The following LHPP variants were observed in gnomAD, a reference collection of about 807,000 sequenced individuals.
LHPP encodes the protein hLHPP.
In LHPP, 24 loss-of-function variants were observed where a neutral mutation model predicts 30.3. That is an observed-to-expected ratio of 0.79 (90% CI 0.57 to 1.11). The LOEUF (loss-of-function observed/expected upper bound fraction) is 1.11. Ranked by LOEUF, LHPP falls within the 50% of genes most tolerant of loss-of-function variation. LHPP has a pLI of 0.00. For missense variants in LHPP, 356 were observed against 367.2 expected, an observed-to-expected ratio of 0.97 and a Z score of 0.25; for synonymous variants, 150 against 157.1, an observed-to-expected ratio of 0.95 and a Z score of 0.34.
chr10:124,564,437 T>G (rs1564833342), intron 6 of LHPP, among the ~76,000 whole-genome samples: 1 of 151,494 alleles, frequency 6.6e-6, no homozygotes, highest in Admixed American at 6.6e-5. Flanking sequence ...TTTTTTTTTA[T>G]AGAGACGAGT....
chr10:124,526,978 G>T (rs1377686479), intron 6 of LHPP, among the ~76,000 whole-genome samples: 4 of 152,202 alleles, frequency 2.6e-5, no homozygotes, highest in Non-Finnish European at 4.4e-5. Flanking sequence ...CCGGCCACCT[G>T]CCCAAAATGT....
At position 124,552,622 on chromosome 10, in the gene LHPP, G is replaced by T. The variant is rs112496287; in HGVS notation, c.716+35351G>T. On this transcript the variant is annotated intron_variant, in intron 6 of 6. Transcript: ENST00000368842. ...CTCCAGCCACTGCCCCCCAGGCTGG[G>T]GCCTGCCAGCCCCCGCCCCTGTAGT... is the stretch of plus-strand genomic sequence containing the variant. Among the ~76,000 whole-genome samples the T allele has an allele frequency of 8.5e-5, 13 of 152,232 alleles. 1 individual carries two copies. Among genetic ancestry groups the T allele is most frequent in the African/African-American group, 2.9e-4 (12 of 41,522 alleles).
chr10:124,481,076 G>A (rs10901679), intron 1 of LHPP, among the ~76,000 whole-genome samples: 2 of 152,108 alleles, frequency 1.3e-5, no homozygotes, highest in Non-Finnish European at 2.9e-5. Flanking sequence ...GGAGTGCCAA[G>A]CCCTGTGGGA....
At chr10:124,528,367 A>T (rs935565701) in intron 6 of LHPP, among the ~76,000 whole-genome samples, 27 of 149,656 alleles carry the variant, frequency 1.8e-4, no homozygotes, top group South Asian at 6.3e-4. Flanking sequence ...TTATTATTTT[A>T]TTTTTTTTTG....
intron 6 of LHPP, among the ~76,000 whole-genome samples, chr10:124,556,654 T>C (rs1247422269): frequency 6.6e-6 from 1 of 152,240 alleles, no homozygotes; most frequent in Non-Finnish European, 1.5e-5. Flanking sequence ...TGGATAATTC[T>C]GCAACTCTCG....
intron 6 of LHPP, among the ~76,000 whole-genome samples, chr10:124,537,080 A>C (rs1338431212): frequency 1.3e-5 from 2 of 152,260 alleles, no homozygotes; most frequent in Non-Finnish European, 2.9e-5. Context: ...CCTTATTTAC[A>C]GTAAGCCTTA....
At chr10:124,524,669 AT>A (rs902741247) in intron 6 of LHPP, among the ~76,000 whole-genome samples, 20 of 152,134 alleles carry the variant, frequency 1.3e-4, no homozygotes, top group African/African-American at 4.8e-4. Flanking sequence ...CCTCATTTCT[AT>A]TAAAAATCAA....
intron 6 of LHPP, among the ~76,000 whole-genome samples, chr10:124,532,721 T>C (rs952831088): frequency 2.0e-5 from 3 of 152,244 alleles, no homozygotes; most frequent in Admixed American, 6.5e-5. Flanking sequence ...TGGGTAGGCA[T>C]AGAAAGTCTT....
intron 5 of LHPP, among the ~76,000 whole-genome samples, chr10:124,506,453 TG>T (rs1179390927): frequency 1.3e-5 from 2 of 151,708 alleles, no homozygotes; most frequent in Non-Finnish European, 2.9e-5. Context: ...AGATGTGCCC[TG>T]GGGAGAACCG....
At chr10:124,473,560 G>A (rs986963439) in intron 1 of LHPP, among the ~76,000 whole-genome samples, 12 of 152,098 alleles carry the variant, frequency 7.9e-5, no homozygotes, top group Non-Finnish European at 1.3e-4. Context: ...GTCCCTTAGC[G>A]TTCCGTCACC....
chr10:124,514,940 T>A (rs1157696759), intron 5 of LHPP, among the ~76,000 whole-genome samples: 1 of 152,038 alleles, frequency 6.6e-6, no homozygotes, highest in Non-Finnish European at 1.5e-5. Flanking sequence ...TAGCTGGGAC[T>A]ACAGGCGTGC....
At chr10:124,609,255 T>C (rs183191130) in intron 6 of LHPP, among the ~76,000 whole-genome samples, 129 of 152,344 alleles carry the variant, frequency 8.5e-4, no homozygotes, top group Non-Finnish European at 6.8e-4. Context: ...ATGTGGCTTC[T>C]CTTTCTTTTT....
intron 4 of LHPP, among the ~76,000 whole-genome samples, chr10:124,497,515 G>A (rs1271681594): frequency 6.6e-6 from 1 of 150,806 alleles, no homozygotes; most frequent in Non-Finnish European, 1.5e-5. Flanking sequence ...AGGCCTCCGG[G>A]TGGGGCTCCC....
intron 1 of LHPP, among the ~76,000 whole-genome samples, chr10:124,471,554 ATT>A (rs1227494858): frequency 5.6e-5 from 3 of 53,796 alleles, no homozygotes; most frequent in Non-Finnish European, 1.1e-4. Context: ...TTTTATATAT[ATT>A]TATATATATA....
chr10:124,529,409 G>GCT (rs1954829296), intron 6 of LHPP, among the ~76,000 whole-genome samples: 1 of 152,138 alleles, frequency 6.6e-6, no homozygotes, highest in South Asian at 2.1e-4. Context: ...AGCCCACACA[G>GCT]CTCCCACCTG....
At chr10:124,480,606 G>T (rs1461357017) in intron 1 of LHPP, among the ~76,000 whole-genome samples, 1 of 152,116 alleles carries the variant, frequency 6.6e-6, no homozygotes, top group Non-Finnish European at 1.5e-5. Context: ...ACACGTTCCA[G>T]GTGCCAATCA....
intron 5 of LHPP, among the ~76,000 whole-genome samples, chr10:124,511,768 A>G (rs1294781555): frequency 4.6e-5 from 7 of 152,140 alleles, no homozygotes; most frequent in South Asian, 2.1e-4. Flanking sequence ...GGTTATCTGA[A>G]GGCCTGTTTG....
At chr10:124,612,024 C>T (rs1949208460) in intron 6 of LHPP, among the ~76,000 whole-genome samples, 1 of 152,198 alleles carries the variant, frequency 6.6e-6, no homozygotes. Context: ...GGGTGCAAGG[C>T]TGTGGGGAGG....
At chr10:124,474,840 T>C (rs1438977768) in intron 1 of LHPP, among the ~76,000 whole-genome samples, 2 of 152,028 alleles carry the variant, frequency 1.3e-5, no homozygotes, top group Non-Finnish European at 2.9e-5. Context: ...CTTTCCCCTC[T>C]TTCTAAAGGT....
Sources: allele counts gnomAD v4.1 joint callset (sites outside exome capture counted in the v4.1 genomes callset), GRCh38; gene constraint gnomAD v4.1.1; transcripts MANE v1.5; gene names NCBI Gene and HGNC (gene_info 2026-07-23, HGNC 2026-07-21).